The following THSD7B variants were observed in gnomAD, a reference collection of about 807,000 sequenced individuals.
THSD7B encodes the protein thrombospondin type-1 domain-containing protein 7B.
THSD7B carries 138 observed loss-of-function variants against 213.6 expected under a neutral mutation model. The ratio of observed to expected loss-of-function variants is 0.65; its 90% confidence interval spans 0.56 to 0.74. The LOEUF (loss-of-function observed/expected upper bound fraction) is 0.74. Ranked by LOEUF, THSD7B falls within the 30% of genes least tolerant of loss-of-function variation. The pLI is 0.00. For missense variants in THSD7B, 1,931 were observed against 1,991.5 expected (o/e 0.97, Z 0.58); for synonymous variants, 742 against 687.0 (o/e 1.08, Z -1.25).
intron 1 of THSD7B, among the ~76,000 whole-genome samples, chr2:136,822,157 T>A (rs1373937133): frequency 3.3e-5 from 5 of 152,152 alleles, no homozygotes; most frequent in Non-Finnish European, 7.4e-5. Flanking sequence ...GCCTTTTACG[T>A]TCTCTGAATG....
chr2:137,299,428 C>A (rs149269905), intron 12 of THSD7B, among the ~76,000 whole-genome samples: 1 of 151,950 alleles, frequency 6.6e-6, no homozygotes, highest in African/African-American at 2.4e-5. Context: ...AGACTTTGGG[C>A]GACTGCTGGG....
At position 136,771,383 on chromosome 2, in the gene THSD7B, C is replaced by T. The variant is rs543282480; in HGVS notation, c.-36+5696C>T. Among the ~76,000 whole-genome samples, 9 of 152,224 alleles carry T rather than the reference C, an allele frequency of 5.9e-5. 1 individual carries two copies. In the South Asian group the frequency reaches 1.2e-3, roughly 21 times the overall value. ...GCACTGCTAGATGGTCCCTGAAAAA[C>T]GTAACTTAAATTATGCTTATTTCTT... is the stretch of plus-strand genomic sequence containing the variant. On this transcript the variant is annotated intron_variant, in intron 1 of 27. Coordinates refer to ENST00000409968, the MANE Select transcript of THSD7B (RefSeq NM_001316349.2).
intron 12 of THSD7B, among the ~76,000 whole-genome samples, chr2:137,321,987 T>G: frequency 6.6e-6 from 1 of 152,226 alleles, no homozygotes; most frequent in East Asian, 1.9e-4. Flanking sequence ...AGATGCTTTT[T>G]AGGCACTCCA....
chr2:137,093,245 AC>A (rs1481716386), intron 3 of THSD7B, among the ~76,000 whole-genome samples: 6 of 143,776 alleles, frequency 4.2e-5, no homozygotes, highest in Admixed American at 2.1e-4. Context: ...CTTTCGAAGA[AC>A]CCTTGTACCT....
intron 13 of THSD7B, among the ~76,000 whole-genome samples, chr2:137,407,716 C>G (rs960922282): frequency 2.0e-5 from 3 of 151,982 alleles, no homozygotes; most frequent in African/African-American, 7.2e-5. Flanking sequence ...TAAATACAAG[C>G]CACTTCATTG....
chr2:137,666,607 C>T (rs1416780990), intron 26 of THSD7B, among the ~76,000 whole-genome samples: 2 of 144,874 alleles, frequency 1.4e-5, no homozygotes, highest in South Asian at 4.5e-4. Context: ...TAATTACATT[C>T]GTGTAGTATA....
At chr2:136,977,453 A>G (rs1036435194) in intron 2 of THSD7B, among the ~76,000 whole-genome samples, 7 of 151,960 alleles carry the variant, frequency 4.6e-5, no homozygotes, top group East Asian at 1.9e-4. Flanking sequence ...CTGTATGTCT[A>G]TCTCCTTCAG....
intron 7 of THSD7B, among the ~76,000 whole-genome samples, chr2:137,195,013 T>A (rs1243180082): frequency 6.6e-6 from 1 of 152,132 alleles, no homozygotes; most frequent in East Asian, 1.9e-4. Context: ...ACCTTTAGTG[T>A]TTCTCATCAA....
intron 7 of THSD7B, among the ~76,000 whole-genome samples, chr2:137,222,679 A>G (rs1681397328): frequency 6.6e-6 from 1 of 152,344 alleles, no homozygotes; most frequent in East Asian, 1.9e-4. Context: ...GAAAAGAGTT[A>G]GTGCCACAAA....
intron 2 of THSD7B, among the ~76,000 whole-genome samples, chr2:136,912,753 C>T (rs1163121289): frequency 6.6e-6 from 1 of 152,144 alleles, no homozygotes; most frequent in Non-Finnish European, 1.5e-5. Context: ...TCTCTTGGTG[C>T]TGCCATGTAA....
At chr2:137,232,870 G>C in intron 8 of THSD7B, 29 bp from the exon 9 acceptor site, 3 of 1,602,344 alleles carry the variant, frequency 1.9e-6, no homozygotes, top group Non-Finnish European at 2.6e-6. Context: ...CAACCACTAT[G>C]TATTACCTTT....
chr2:136,861,720 G>T (rs1190346253), intron 1 of THSD7B, among the ~76,000 whole-genome samples: 5 of 152,128 alleles, frequency 3.3e-5, no homozygotes, highest in Non-Finnish European at 5.9e-5. Context: ...TAAATGTATT[G>T]GTCATTTATT....
At chr2:137,271,216 C>G (rs1236064349) in intron 10 of THSD7B, among the ~76,000 whole-genome samples, 1 of 151,132 alleles carries the variant, frequency 6.6e-6, no homozygotes, top group South Asian at 2.1e-4. Context: ...GCGCTCCTCC[C>G]TCTCTCCCAC....
At chr2:137,326,846 C>A (rs1289097878) in intron 12 of THSD7B, among the ~76,000 whole-genome samples, 3 of 152,058 alleles carry the variant, frequency 2.0e-5, no homozygotes, top group African/African-American at 4.8e-5. Context: ...TATAAGAATG[C>A]CAGAAAAAAT....
chr2:137,621,496 A>C (rs546745797), intron 20 of THSD7B, among the ~76,000 whole-genome samples: 3 of 152,222 alleles, frequency 2.0e-5, no homozygotes, highest in Non-Finnish European at 4.4e-5. Context: ...CATGGCAAGG[A>C]ATGCAGAAGG....
At chr2:137,375,671 A>G (rs1166790596) in intron 12 of THSD7B, among the ~76,000 whole-genome samples, 3 of 152,194 alleles carry the variant, frequency 2.0e-5, no homozygotes, top group South Asian at 2.1e-4. Flanking sequence ...CAAGTTTGAG[A>G]TTCTAGAACG....
intron 15 of THSD7B, among the ~76,000 whole-genome samples, chr2:137,500,940 G>GT (rs200315288): frequency 0.032 from 4,888 of 151,478 alleles, 125 homozygotes; most frequent in Non-Finnish European, 0.047. Flanking sequence ...ATGTTTCATG[G>GT]TTTTTTTTTA....
At chr2:137,063,745 C>G (rs4340584) in intron 3 of THSD7B, among the ~76,000 whole-genome samples, 1 of 151,774 alleles carries the variant, frequency 6.6e-6, no homozygotes, top group Non-Finnish European at 1.5e-5. Flanking sequence ...TTTAATTTTT[C>G]GTTGTCACAG....
chr2:137,430,020 ATC>A (rs1687140061), intron 14 of THSD7B, among the ~76,000 whole-genome samples: 4 of 152,058 alleles, frequency 2.6e-5, no homozygotes, highest in Admixed American at 2.6e-4. Flanking sequence ...AGGTAGGAGG[ATC>A]TCTTGAGCCC....
Sources: allele counts gnomAD v4.1 joint callset (sites outside exome capture counted in the v4.1 genomes callset), GRCh38; gene constraint gnomAD v4.1.1; transcripts MANE v1.5; gene names NCBI Gene and HGNC (gene_info 2026-07-23, HGNC 2026-07-21).